DPH6: variants seen among roughly 807,000 people sequenced by gnomAD.
DPH6 encodes diphthine--ammonia ligase.
A neutral mutation model predicts 38.2 loss-of-function variants in DPH6; 33 were observed. The ratio of observed to expected loss-of-function variants is 0.86; its 90% CI spans 0.65 to 1.15. DPH6 has a LOEUF of 1.15. Ranked by LOEUF, DPH6 falls within the 50% of genes most tolerant of loss-of-function variation. The pLI, the probability that DPH6 is intolerant of heterozygous loss-of-function variation, is 0.00. For missense variants in DPH6, 325 were observed against 320.0 expected (o/e 1.02, Z -0.12); for synonymous variants, 108 against 103.0 (o/e 1.05, Z -0.30).
intron 3 of DPH6, among the ~76,000 whole-genome samples, chr15:35,279,317 A>G (rs1257975038): frequency 6.6e-6 from 1 of 152,066 alleles, no homozygotes; most frequent in Non-Finnish European, 1.5e-5. Context: ...TAATGCTGGA[A>G]TAAGTTAAGG....
chr15:35,520,230 C>CAAAAAAAAAAA (rs879230191), intron 3 of DPH6: 1 of 356,818 alleles, frequency 2.8e-6, no homozygotes. Context: ...CAAAAAAAAA[C>CAAAAAAAAAAA]AAAAAAAAAA....
chr15:35,466,503 G>A (rs1419544709), intron 3 of DPH6, among the ~76,000 whole-genome samples: 9 of 152,036 alleles, frequency 5.9e-5, no homozygotes, highest in South Asian at 2.1e-4. Context: ...ATAAACAGGA[G>A]TATAACATTC....
chr15:35,298,985 A>T, intron 3 of DPH6: 1 of 758,386 alleles, frequency 1.3e-6, no homozygotes, highest in South Asian at 1.5e-5. Flanking sequence ...CATCTTCATC[A>T]GAATCCGGAT....
At chr15:35,422,724 C>A (rs62002913) in intron 5 of DPH6, among the ~76,000 whole-genome samples, 1 of 151,868 alleles carries the variant, frequency 6.6e-6, no homozygotes, top group African/African-American at 2.4e-5. Flanking sequence ...TTCCCAAATC[C>A]TCCTCTCCAT....
chr15:35,178,081 T>C, the DPH6 span, among the ~76,000 whole-genome samples: 1 of 152,240 alleles, frequency 6.6e-6, no homozygotes, highest in Admixed American at 6.5e-5. Context: ...GCATTTATCA[T>C]TTCTTTGTGG....
At chr15:35,353,061 G>T (rs1483146530) in intron 3 of DPH6, among the ~76,000 whole-genome samples, 1 of 152,100 alleles carries the variant, frequency 6.6e-6, no homozygotes, top group Non-Finnish European at 1.5e-5. Flanking sequence ...ATGTCTTTTG[G>T]CTGCATAAAT....
At chr15:35,382,279 C>T (rs1045945966) in intron 6 of DPH6, among the ~76,000 whole-genome samples, 8 of 151,650 alleles carry the variant, frequency 5.3e-5, no homozygotes, top group African/African-American at 1.9e-4. Flanking sequence ...ACTAAAAATA[C>T]AAAAAAATTA....
chr15:35,498,789 A>C (rs2054588686), intron 3 of DPH6, among the ~76,000 whole-genome samples: 1 of 151,926 alleles, frequency 6.6e-6, no homozygotes, highest in African/African-American at 2.4e-5. Flanking sequence ...TTTTTTACGT[A>C]GATGCCGTCA....
chr15:35,165,254 A>G, the DPH6 span, among the ~76,000 whole-genome samples: 1 of 152,022 alleles, frequency 6.6e-6, no homozygotes, highest in Admixed American at 6.6e-5. Flanking sequence ...TTATTAATCT[A>G]TGTGCCCCAA....
chr15:35,206,839 A>G, the DPH6 span, among the ~76,000 whole-genome samples: 10 of 152,226 alleles, frequency 6.6e-5, no homozygotes, highest in East Asian at 1.2e-3. Flanking sequence ...ATTTCCATTT[A>G]TCAATAATGC....
chr15:35,223,911 C>T (rs2051460545), intron 3 of DPH6, among the ~76,000 whole-genome samples: 1 of 151,944 alleles, frequency 6.6e-6, no homozygotes, highest in African/African-American at 2.4e-5. Flanking sequence ...ATCCCCCACG[C>T]TCCACCTATT....
intron 3 of DPH6, among the ~76,000 whole-genome samples, chr15:35,352,436 C>G (rs1386085444): frequency 6.6e-6 from 1 of 152,162 alleles, no homozygotes; most frequent in Non-Finnish European, 1.5e-5. Context: ...CCCGCTACCC[C>G]CACCCCACAA....
chr15:35,189,053 CG>C, the DPH6 span, among the ~76,000 whole-genome samples: 1 of 152,008 alleles, frequency 6.6e-6, no homozygotes, highest in Non-Finnish European at 1.5e-5. Context: ...AGGAAGTGAA[CG>C]GTGATGCTCT....
Position 35,449,477 on chromosome 15 carries a change from G to A in DPH6, c.505+1208C>T, listed in dbSNP as rs150978807. Among the ~76,000 whole-genome samples the A allele has an allele frequency of 1.6e-3, 242 of 151,986 alleles. 1 individual carries two copies. The highest frequency in any genetic ancestry group is 5.5e-3 in the African/African-American group (227 of 41,446). On this transcript the variant is annotated intron_variant, in intron 5 of 8. Coordinates refer to ENST00000256538, the MANE Select transcript of DPH6 (RefSeq NM_080650.4). ...GTCCTAATCCAGTCTTTTATCTATC[G>A]GGCAGTAAAAGGAATAGTATGTGTA... is the stretch of plus-strand genomic sequence containing the variant.
intron 3 of DPH6, among the ~76,000 whole-genome samples, chr15:35,512,315 G>A (rs896721109): frequency 1.9e-4 from 29 of 152,100 alleles, no homozygotes; most frequent in Admixed American, 6.5e-5. Context: ...ATAGCCAGGA[G>A]CAGAAGAGTG....
At chr15:35,316,349 G>A (rs1194483333) in intron 3 of DPH6, among the ~76,000 whole-genome samples, 1 of 151,972 alleles carries the variant, frequency 6.6e-6, no homozygotes, top group African/African-American at 2.4e-5. Context: ...TTTTAAAAAA[G>A]ACATGTGATT....
the DPH6 span, among the ~76,000 whole-genome samples, chr15:35,158,033 C>T: frequency 6.6e-6 from 1 of 151,940 alleles, no homozygotes; most frequent in Non-Finnish European, 1.5e-5. Flanking sequence ...CTTAGAATCC[C>T]TGGGTAATAC....
In DPH6 at chr15:35,466,606, T is replaced by C. The variant is rs1315514006; in HGVS notation, c.313-11786A>G. Among the ~76,000 whole-genome samples, 3 of 152,122 alleles carry C rather than the reference T, an allele frequency of 2.0e-5. No homozygotes were observed. The South Asian group carries it at 6.2e-4, about 31-fold the overall frequency. ...TAGGACCATATTGAAATGTATACAG[T>C]TGTAAGATATTTAACAATGGGCATA... On this transcript the variant is annotated intron_variant, in intron 3 of 8. Transcript: ENST00000256538.
chr15:35,355,824 T>C (rs921038433), intron 3 of DPH6, among the ~76,000 whole-genome samples: 38 of 152,224 alleles, frequency 2.5e-4, no homozygotes, highest in African/African-American at 8.7e-4. Context: ...AATTTGAATG[T>C]TGGCCTGCCT....
Sources: gnomAD v4.1 joint callset for allele counts (sites outside exome capture counted in the v4.1 genomes callset) on GRCh38, gnomAD v4.1.1 for gene constraint, MANE v1.5 for transcripts, NCBI Gene and HGNC (gene_info 2026-07-23, HGNC 2026-07-21) for gene names.